RBFOX3: variants seen among roughly 807,000 people sequenced by gnomAD.
The protein encoded by RBFOX3 is RNA binding protein fox-1 homolog 3.
In RBFOX3, 17 loss-of-function variants were observed where a neutral mutation model predicts 48.7. The observed-to-expected ratio is 0.35, with a 90% confidence interval of 0.24 to 0.52. The LOEUF is 0.52. Ranked by LOEUF, RBFOX3 falls within the 20% of genes least tolerant of loss-of-function variation. RBFOX3 has a pLI of 0.94. For missense variants in RBFOX3, 382 were observed against 497.5 expected (o/e 0.77, Z 2.21); for synonymous variants, 212 against 209.5 (o/e 1.01, Z -0.10).
intron 1 of RBFOX3, among the ~76,000 whole-genome samples, chr17:79,608,816 G>T (rs890744282): frequency 6.6e-6 from 1 of 152,192 alleles, no homozygotes; most frequent in Admixed American, 6.5e-5. Context: ...CCAGTCCTGG[G>T]GGAGGGGCGG....
the RBFOX3 span, among the ~76,000 whole-genome samples, chr17:79,650,890 A>G: frequency 1.3e-5 from 2 of 151,948 alleles, no homozygotes; most frequent in Non-Finnish European, 2.9e-5. Flanking sequence ...TTCTCCTAAA[A>G]CCTCAGAAGA....
intron 1 of RBFOX3, among the ~76,000 whole-genome samples, chr17:79,555,492 AGTGGTGGTGGTG>A (rs1294825102): frequency 8.8e-5 from 4 of 45,680 alleles, no homozygotes; most frequent in Admixed American, 2.2e-4. Flanking sequence ...TGGTGATGAC[AGTGGTGGTGGTG>A]GTGGTGATGG....
chr17:79,612,038 G>A (rs2093973437), upstream of RBFOX3, among the ~76,000 whole-genome samples: 2 of 152,188 alleles, frequency 1.3e-5, no homozygotes, highest in Non-Finnish European at 2.9e-5. Context: ...AGGACACAGT[G>A]GAGTGGGGAC....
At position 79,214,196 on chromosome 17, in the gene RBFOX3, G is replaced by C. The variant is rs2058721693; in HGVS notation, c.-34+21570C>G. Among the ~76,000 whole-genome samples, 1 of 152,212 alleles carries C rather than the reference G, an allele frequency of 6.6e-6. No individual in the cohort carries two copies. The highest frequency in any genetic ancestry group is 1.5e-5 in the Non-Finnish European group (1 of 68,038). ...AGAGCTTTGCCACCCGTGGGTATTA[G>C]GACCCTGATAAAGTCGGCCTCTCCA... On this transcript the variant is annotated intron_variant, in intron 4 of 14. Coordinates refer to ENST00000693108, the MANE Select transcript of RBFOX3 (RefSeq NM_001350451.2). This position sits in a 1 kb window ranked among gnomAD's most constrained non-coding sequence, Gnocchi z 4.7.
At chr17:79,614,050 G>C (rs1162698946), upstream of RBFOX3, among the ~76,000 whole-genome samples, 1 of 152,264 alleles carries the variant, frequency 6.6e-6, no homozygotes, top group African/African-American at 2.4e-5. Context: ...ACAGTAGCCG[G>C]CTGTGGGCAG....
chr17:79,235,887 G>A (rs2061570664), intron 3 of RBFOX3, 82 bp from the exon 4 acceptor site: 1 of 153,516 alleles, frequency 6.5e-6, no homozygotes, highest in African/African-American at 2.4e-5. Flanking sequence ...GATGCTATTT[G>A]CTCATCGACT....
intron 14 of RBFOX3, among the ~76,000 whole-genome samples, chr17:79,093,566 TGGAG>T (rs1231035044): frequency 3.4e-5 from 5 of 146,856 alleles, no homozygotes; most frequent in South Asian, 4.3e-4. Flanking sequence ...AAAAAAAAAT[TGGAG>T]GGAGTCATCA....
intron 3 of RBFOX3, among the ~76,000 whole-genome samples, chr17:79,289,275 G>A (rs2072738047): frequency 1.3e-5 from 2 of 152,238 alleles, no homozygotes; most frequent in Non-Finnish European, 2.9e-5. Context: ...CCAAGCTTCA[G>A]TCCCTTCAAG....
intron 1 of RBFOX3, among the ~76,000 whole-genome samples, chr17:79,508,255 G>A (rs1480161662): frequency 6.6e-6 from 1 of 152,092 alleles, no homozygotes; most frequent in Non-Finnish European, 1.5e-5. Context: ...TCAGCTCCCC[G>A]AGAGGGGGTT....
chr17:79,331,950 C>T (rs112062921), intron 2 of RBFOX3, among the ~76,000 whole-genome samples: 126 of 152,326 alleles, frequency 8.3e-4, no homozygotes, highest in African/African-American at 2.8e-3. Flanking sequence ...AGACGTGCAC[C>T]CCACGATGAC....
In RBFOX3 at chr17:79,249,619, C is replaced by A. The variant is rs538280673; in HGVS notation, c.-73-13814G>T. Among the ~76,000 whole-genome samples, 5 of 152,266 alleles carry A rather than the reference C, an allele frequency of 3.3e-5. No individual in the cohort carries two copies. The South Asian group carries it at 1.0e-3, about 32-fold the overall frequency. ...CAGAGCCAGGTACAGACAATCAGAT[C>A]CAGCCCCATAGCCCAGAGCTCACTG... On this transcript the variant is annotated intron_variant, in intron 3 of 14. Transcript: ENST00000693108. This position sits in a 1 kb window ranked among gnomAD's most constrained non-coding sequence, Gnocchi z 4.1.
At chr17:79,209,858 G>T (rs187424546) in intron 4 of RBFOX3, among the ~76,000 whole-genome samples, 3 of 152,222 alleles carry the variant, frequency 2.0e-5, no homozygotes, top group South Asian at 2.1e-4. Flanking sequence ...TTAGCCGGGC[G>T]TGGTGGTGGC....
intron 4 of RBFOX3, among the ~76,000 whole-genome samples, chr17:79,126,141 G>C (rs1355767621): frequency 6.6e-6 from 1 of 152,240 alleles, no homozygotes; most frequent in African/African-American, 2.4e-5. Flanking sequence ...GGACACCTCA[G>C]ACTTCCTGGA....
In RBFOX3 at chr17:79,198,708, C is replaced by G. The variant is rs2056203523; in HGVS notation, c.-34+37058G>C. On this transcript the variant is annotated intron_variant, in intron 4 of 14. Coordinates refer to ENST00000693108, the MANE Select transcript of RBFOX3 (RefSeq NM_001350451.2). The surrounding 1 kb of genome is among the most constrained non-coding windows in gnomAD (Gnocchi z 8.2). ...TGGCATGATCTAGGCTCGTTGCAAC[C>G]TCCACCTTCCGGGTTCAAGCGATTC... Among the ~76,000 whole-genome samples, 1 of 151,906 alleles carries G rather than the reference C, an allele frequency of 6.6e-6. No individual in the cohort carries two copies. Among genetic ancestry groups the G allele is most frequent in the African/African-American group, 2.4e-5 (1 of 41,336 alleles).
At chr17:79,222,813 T>C (rs2059890081) in intron 4 of RBFOX3, among the ~76,000 whole-genome samples, 1 of 152,164 alleles carries the variant, frequency 6.6e-6, no homozygotes, top group African/African-American at 2.4e-5. Flanking sequence ...AAATGCTGGC[T>C]GTGGGGCTGG....
intron 5 of RBFOX3, among the ~76,000 whole-genome samples, chr17:79,114,286 G>T (rs951194911): frequency 6.6e-6 from 1 of 152,190 alleles, no homozygotes; most frequent in African/African-American, 2.4e-5. Context: ...CCACCCTGGG[G>T]CCTGGCCTTT....
At chr17:79,630,638 T>A in the RBFOX3 span, among the ~76,000 whole-genome samples, 1 of 152,120 alleles carries the variant, frequency 6.6e-6, no homozygotes, top group Non-Finnish European at 1.5e-5. Flanking sequence ...CCAGCCCGTG[T>A]TAATTATTAT....
At chr17:79,128,339 C>T (rs191917735) in intron 4 of RBFOX3, among the ~76,000 whole-genome samples, 1 of 152,152 alleles carries the variant, frequency 6.6e-6, no homozygotes, top group Non-Finnish European at 1.5e-5. Context: ...ACAAATAAAC[C>T]ATCGTGAGCG....
intron 3 of RBFOX3, among the ~76,000 whole-genome samples, chr17:79,277,839 C>T (rs2069281397): frequency 1.3e-5 from 2 of 152,210 alleles, no homozygotes; most frequent in African/African-American, 4.8e-5. Context: ...TGGGCACATC[C>T]CCTTAGCCCC....
Sources: gnomAD v4.1 joint callset for allele counts (sites outside exome capture counted in the v4.1 genomes callset) on GRCh38, gnomAD v4.1.1 for gene constraint, Gnocchi (gnomAD v3.1) non-coding constraint, MANE v1.5 for transcripts, NCBI Gene and HGNC (gene_info 2026-07-23, HGNC 2026-07-21) for gene names.